The following SPANXN4 variants were observed in gnomAD, a reference collection of about 807,000 sequenced individuals.
The protein encoded by SPANXN4 is SPANX family member N4.
In SPANXN4, 5 loss-of-function variants were observed where a neutral mutation model predicts 6.0. That is an observed-to-expected ratio of 0.83 (90% CI 0.44 to 1.75). The LOEUF (loss-of-function observed/expected upper bound fraction) is 1.75, where lower values mean the gene tolerates loss of function less well. Among genes scored for constraint, SPANXN4 ranks in the 40% most tolerant of loss-of-function variants. The probability of loss-of-function intolerance (pLI) is 0.02; values close to 1 mark genes in which losing one functional copy is unlikely to be tolerated. For synonymous variants in SPANXN4, 45 were observed against 38.0 expected (o/e 1.19, Z -0.68); for missense variants, 157 against 108.6 (o/e 1.45, Z -1.98).
At chrX:143,032,576 A>G (rs757189425) in intron 1 of SPANXN4, among the ~76,000 whole-genome samples, 23 of 108,962 alleles carry the variant, frequency 2.1e-4, no homozygotes, top group African/African-American at 7.7e-4. Flanking sequence ...GAGGATTTGA[A>G]AAGGGGAAAA....
downstream of SPANXN4, among the ~76,000 whole-genome samples, chrX:143,038,098 T>A (rs1439511029): frequency 8.9e-6 from 1 of 112,040 alleles, no homozygotes; most frequent in Non-Finnish European, 1.9e-5. Flanking sequence ...TTGATTCTGA[T>A]GTGAAGTGCT....
chrX:143,033,373 C>G (rs929136809), intron 1 of SPANXN4, among the ~76,000 whole-genome samples: 1 of 111,418 alleles, frequency 9.0e-6, no homozygotes, highest in Non-Finnish European at 1.9e-5. Context: ...CAATCCCCAT[C>G]CTGGGTTTTG....
At chrX:143,034,767 G>A (rs1932835102), downstream of SPANXN4, 16 of 1,040,356 alleles carry the variant, frequency 1.5e-5, no homozygotes, top group South Asian at 4.7e-4. Context: ...ATAAAATAAT[G>A]GTGTTTGGAG....
At chrX:143,032,887 C>A (rs775586788) in intron 1 of SPANXN4, among the ~76,000 whole-genome samples, 1 of 111,085 alleles carries the variant, frequency 9.0e-6, no homozygotes, top group African/African-American at 3.3e-5. Flanking sequence ...GGAGAATGGA[C>A]GTAGGAGAGC....
At chrX:143,038,094 C>T (rs184207199), downstream of SPANXN4, among the ~76,000 whole-genome samples, 220 of 111,836 alleles carry the variant, frequency 2.0e-3, 1 homozygote, top group Middle Eastern at 9.3e-3. Flanking sequence ...CCAGTTGATT[C>T]TGATGTGAAG....
intron 1 of SPANXN4, among the ~76,000 whole-genome samples, chrX:143,032,267 T>C (rs1932814628): frequency 9.0e-6 from 1 of 111,590 alleles, no homozygotes; most frequent in Non-Finnish European, 1.9e-5. Flanking sequence ...GGGAACATGA[T>C]CTCAGATTAT....
intron 1 of SPANXN4, among the ~76,000 whole-genome samples, chrX:143,028,420 G>A (rs184732436): frequency 4.5e-5 from 5 of 110,981 alleles, no homozygotes; most frequent in East Asian, 5.7e-4. Context: ...AGCCTGGGCC[G>A]TTTTAACCTC....
At chrX:143,033,762 C>T (rs915936816) in intron 1 of SPANXN4, among the ~76,000 whole-genome samples, 1 of 111,466 alleles carries the variant, frequency 9.0e-6, no homozygotes, top group Non-Finnish European at 1.9e-5. Flanking sequence ...GGCCTGAACC[C>T]CCATGGAATG....
At chrX:143,035,154 G>A (rs1201098522), downstream of SPANXN4, among the ~76,000 whole-genome samples, 1 of 108,783 alleles carries the variant, frequency 9.2e-6, no homozygotes, top group Non-Finnish European at 1.9e-5. Flanking sequence ...AATGGTTTTG[G>A]CATCAATGTA....
intron 1 of SPANXN4, 112 bp downstream of exon 1, chrX:143,026,204 C>G: frequency 1.5e-6 from 1 of 645,576 alleles, no homozygotes; most frequent in Non-Finnish European, 2.4e-6. Flanking sequence ...AAATGTGGGG[C>G]CAGCTTCATG....
At chrX:143,037,843 G>A (rs1932851087), downstream of SPANXN4, among the ~76,000 whole-genome samples, 2 of 111,049 alleles carry the variant, frequency 1.8e-5, no homozygotes, top group African/African-American at 6.5e-5. Flanking sequence ...GCCACCTTGT[G>A]AAGAAGGTGC....
intron 1 of SPANXN4, among the ~76,000 whole-genome samples, chrX:143,027,744 G>A (rs1932786473): frequency 9.1e-6 from 1 of 110,230 alleles, no homozygotes; most frequent in South Asian, 4.0e-4. Flanking sequence ...ACGGGAGGGA[G>A]TGTGACTGAT....
downstream of SPANXN4, among the ~76,000 whole-genome samples, chrX:143,036,198 C>A (rs771963626): frequency 9.1e-6 from 1 of 109,575 alleles, no homozygotes; most frequent in South Asian, 4.0e-4. Flanking sequence ...TCTTCAGGAC[C>A]TAGGCATACT....
Position 143,033,368 on chromosome X carries a change from C to G in SPANXN4, c.79-660C>G, listed in dbSNP as rs185916116. Among the ~76,000 whole-genome samples, 6 of 111,369 alleles carry G rather than the reference C, an allele frequency of 5.4e-5. No homozygotes were observed. The East Asian group carries it at 1.4e-3, about 27-fold the overall frequency. On this transcript the variant is annotated intron_variant, in intron 1 of 2. Transcript: ENST00000370504. ...AAGACTTACCTGGTAGAACTCAATC[C>G]CCATCCTGGGTTTTGGCACCAAAAT...
chrX:143,037,392 C>A (rs1428880058), downstream of SPANXN4, among the ~76,000 whole-genome samples: 1 of 110,999 alleles, frequency 9.0e-6, no homozygotes, highest in African/African-American at 3.3e-5. Context: ...TTTCTTGGGG[C>A]GAATTCTTCC....
chrX:143,034,569 G>A lies in SPANXN4; in HGVS notation c.344G>A (p.Arg115Lys), dbSNP rs1932833752. The stretch of plus-strand genomic sequence containing the variant: ...CGTGCATGTTTAGAAGAGCACATAA[G>A]AAGATCTGTATTGTATGTAGGTGAC... Residue 115 changes from arginine to lysine, a missense_variant, in exon 3 of 3, where the codon AGA (arginine) becomes AAA (lysine). Coordinates refer to ENST00000370504, the Ensembl canonical transcript of SPANXN4. The A allele has an allele frequency of 2.6e-6, 3 of 1,162,273 alleles. No individual in the cohort carries two copies. In the South Asian group the frequency reaches 5.8e-5, roughly 22 times the overall value.
chrX:143,027,795 G>A lies in SPANXN4; in HGVS notation c.78+1703G>A, dbSNP rs192978577. ...TTAGGCTGATGAAGGGGGCTCAACT[G>A]TTAGAGGTTGGGGGTGGGGACTTAG... On this transcript the variant is annotated intron_variant, in intron 1 of 2. Coordinates refer to ENST00000370504, the Ensembl canonical transcript of SPANXN4. 1.6e-3 allele frequency among the ~76,000 whole-genome samples: 180 copies of A among 109,632 alleles called. 1 individual carries two copies. The highest frequency in any genetic ancestry group is 5.7e-3 in the African/African-American group (172 of 30,009).
exon 1 of SPANXN4, chrX:143,026,050 A>G (rs761166912): frequency 8.3e-7 from 1 of 1,209,801 alleles, no homozygotes; most frequent in Non-Finnish European, 1.1e-6. Context: ...ACGAGAATAA[A>G]ATGAAGAGCC....
At chrX:143,030,518 A>G (rs1247659712) in intron 1 of SPANXN4, among the ~76,000 whole-genome samples, 1 of 110,100 alleles carries the variant, frequency 9.1e-6, no homozygotes, top group Non-Finnish European at 1.9e-5. Context: ...GGTGGGGGCT[A>G]TCCTGGAACC....
Sources: gnomAD v4.1 joint callset for allele counts (sites outside exome capture counted in the v4.1 genomes callset) on GRCh38, gnomAD v4.1.1 for gene constraint, MANE v1.5 for transcripts, NCBI Gene and HGNC (gene_info 2026-07-23, HGNC 2026-07-21) for gene names.